The following CDH4 variants were observed in gnomAD, a reference collection of about 807,000 sequenced individuals.
CDH4 encodes the protein cadherin 4, also known as cadherin-4.
In CDH4, 33 loss-of-function variants were observed where a neutral mutation model predicts 86.0. The observed-to-expected ratio is 0.38, with a 90% CI of 0.29 to 0.51. The LOEUF (loss-of-function observed/expected upper bound fraction) is 0.51. Ranked by LOEUF, CDH4 falls within the 20% of genes least tolerant of loss-of-function variation. The pLI, the probability that CDH4 is intolerant of heterozygous loss-of-function variation, is 0.86. For missense variants in CDH4, 1,114 were observed against 1,307.4 expected (o/e 0.85, Z 2.28); for synonymous variants, 555 against 549.4 (o/e 1.01, Z -0.14).
At chr20:61,444,735 G>A (rs1390750014) in intron 2 of CDH4, among the ~76,000 whole-genome samples, 1 of 150,110 alleles carries the variant, frequency 6.7e-6, no homozygotes, top group Non-Finnish European at 1.5e-5. Context: ...ATGTATGTGT[G>A]TTTCTCTGTG....
intron 2 of CDH4, among the ~76,000 whole-genome samples, chr20:61,587,248 G>C (rs951601045): frequency 2.6e-5 from 4 of 152,122 alleles, no homozygotes; most frequent in Non-Finnish European, 4.4e-5. Context: ...GCGCTTGAAG[G>C]GGGGCCACTG....
rs959168279 is a variant in CDH4 at position 61,501,974 on chromosome 20, C to T, written c.170-241589C>T. Among the ~76,000 whole-genome samples the T allele has an allele frequency of 1.3e-5, 2 of 152,064 alleles. No homozygotes were observed. Among genetic ancestry groups the T allele is most frequent in the Non-Finnish European group, 2.9e-5 (2 of 68,014 alleles). On this transcript the variant is annotated intron_variant, in intron 2 of 15. Coordinates refer to ENST00000614565, the MANE Select transcript of CDH4 (RefSeq NM_001794.5). This position sits in a 1 kb window ranked among gnomAD's most constrained non-coding sequence, Gnocchi z 4.2. ...AGATGAACCGAGTGGGCACGTTAGC[C>T]CAGGCCGTTACCCTTTAGTGGGCGC...
chr20:61,744,654 G>C (rs532052919), intron 3 of CDH4, among the ~76,000 whole-genome samples: 72 of 152,210 alleles, frequency 4.7e-4, no homozygotes, highest in African/African-American at 1.7e-3. Flanking sequence ...GATCCCAGCT[G>C]CCCTCCGACT....
intron 2 of CDH4, among the ~76,000 whole-genome samples, chr20:61,367,140 G>T (rs1051773065): frequency 6.6e-6 from 1 of 152,160 alleles, no homozygotes; most frequent in Non-Finnish European, 1.5e-5. Flanking sequence ...GGAGGAGGGC[G>T]TGTGCCAAAG....
At chr20:61,840,807 G>A (rs1264338129) in intron 4 of CDH4, among the ~76,000 whole-genome samples, 1 of 152,230 alleles carries the variant, frequency 6.6e-6, no homozygotes, top group African/African-American at 2.4e-5. Flanking sequence ...AGAATTCAGA[G>A]CATTTTGAGA....
At chr20:61,445,960 C>T (rs144052783) in intron 2 of CDH4, among the ~76,000 whole-genome samples, 8 of 152,188 alleles carry the variant, frequency 5.3e-5, no homozygotes, top group Non-Finnish European at 8.8e-5. Flanking sequence ...CTCCCATGCC[C>T]GCTGGTGGAT....
chr20:61,431,150 C>A (rs996762981), intron 2 of CDH4, among the ~76,000 whole-genome samples: 1 of 152,154 alleles, frequency 6.6e-6, no homozygotes, highest in Non-Finnish European at 1.5e-5. Context: ...AGGGGAAGCA[C>A]GTGGGTAGAG....
chr20:61,603,220 C>G (rs777129163), intron 2 of CDH4, among the ~76,000 whole-genome samples: 2 of 152,158 alleles, frequency 1.3e-5, no homozygotes, highest in African/African-American at 2.4e-5. Flanking sequence ...TCACAGAGTT[C>G]CCACTCTGGT....
intron 4 of CDH4, among the ~76,000 whole-genome samples, chr20:61,776,544 G>A (rs371439537): frequency 2.0e-5 from 3 of 152,152 alleles, no homozygotes; most frequent in East Asian, 1.9e-4. Context: ...CCCCTGACTC[G>A]TCCAGCAGCC....
chr20:61,302,938 A>G (rs1197217246), intron 2 of CDH4, among the ~76,000 whole-genome samples: 3 of 152,142 alleles, frequency 2.0e-5, no homozygotes, highest in Non-Finnish European at 4.4e-5. Flanking sequence ...AGTGATGTGA[A>G]AGAGGCCATG....
rs533840821 is a variant in CDH4, at chr20:61,266,748, G to T, written c.169+11811G>T. Among the ~76,000 whole-genome samples the T allele has an allele frequency of 8.7e-4, 133 of 152,176 alleles. 3 individuals carry two copies. The South Asian group carries it at 0.025, about 29-fold the overall frequency. ...GGTCCAGGAACTCCCTGCCTGGGGG[G>T]TGCTTGCTAAACTCGCCAGCCCCGT... On this transcript the variant is annotated intron_variant, in intron 2 of 15. Transcript: ENST00000614565.
At chr20:61,265,117 A>ACCT (rs1555831171) in intron 2 of CDH4, among the ~76,000 whole-genome samples, 1 of 138,408 alleles carries the variant, frequency 7.2e-6, no homozygotes, top group Admixed American at 7.2e-5. Flanking sequence ...TCTTACACAT[A>ACCT]CAGTGGCTCC....
At chr20:61,302,297 G>T (rs569533778) in intron 2 of CDH4, among the ~76,000 whole-genome samples, 1 of 152,186 alleles carries the variant, frequency 6.6e-6, no homozygotes, top group Non-Finnish European at 1.5e-5. Context: ...TGTGCAGTCC[G>T]TATCCTCACT....
At chr20:61,399,716 C>G (rs6061720) in intron 2 of CDH4, among the ~76,000 whole-genome samples, 2 of 152,040 alleles carry the variant, frequency 1.3e-5, no homozygotes, top group African/African-American at 4.8e-5. Flanking sequence ...TTGGCCTCTC[C>G]AGTTCCCTTT....
At chr20:61,339,747 A>C (rs1485019465) in intron 2 of CDH4, among the ~76,000 whole-genome samples, 4 of 152,106 alleles carry the variant, frequency 2.6e-5, no homozygotes, top group Non-Finnish European at 5.9e-5. Flanking sequence ...GGACACCTAG[A>C]TATTTCCTCA....
Position 61,754,873 on chromosome 20 carries a change from A to G in CDH4, c.396+11084A>G, listed in dbSNP as rs2088542707. On this transcript the variant is annotated intron_variant, in intron 3 of 15. Coordinates refer to ENST00000614565, the MANE Select transcript of CDH4 (RefSeq NM_001794.5). This position sits in a 1 kb window ranked among gnomAD's most constrained non-coding sequence, Gnocchi z 4.7. The stretch of plus-strand genomic sequence containing the variant: ...ACACCACACAGTGCACGCCACACAC[A>G]CCACACATATACCCTGCACATACCA... 6.6e-6 allele frequency: 1 copy of G among 151,620 alleles called. No homozygotes were observed. The highest frequency in any genetic ancestry group is 2.1e-4 in the South Asian group (1 of 4,774). The allele number at this position is 151,620 out of a possible 1,614,324, so 9.4% of individuals were successfully genotyped here. A position where few individuals can be genotyped will look rare whatever the true frequency, so the allele number is the denominator to read the frequency against.
chr20:61,388,001 TAAATG>T (rs2084961705), intron 2 of CDH4, among the ~76,000 whole-genome samples: 1 of 152,246 alleles, frequency 6.6e-6, no homozygotes, highest in South Asian at 2.1e-4. Flanking sequence ...TAAATTGTAA[TAAATG>T]GGTGTCTATA....
At chr20:61,384,531 TG>T (rs1457177922) in intron 2 of CDH4, among the ~76,000 whole-genome samples, 1 of 152,184 alleles carries the variant, frequency 6.6e-6, no homozygotes, top group Admixed American at 6.5e-5. Flanking sequence ...CAGTCTTTTC[TG>T]AACATCTGCC....
At chr20:61,442,171 C>T (rs185059827) in intron 2 of CDH4, among the ~76,000 whole-genome samples, 52 of 152,202 alleles carry the variant, frequency 3.4e-4, no homozygotes, top group Non-Finnish European at 6.5e-4. Flanking sequence ...AGCACATAAG[C>T]GAGGATGTAT....
Sources: allele counts gnomAD v4.1 joint callset (sites outside exome capture counted in the v4.1 genomes callset), GRCh38; gene constraint gnomAD v4.1.1; non-coding constraint Gnocchi (gnomAD v3.1); transcripts MANE v1.5; gene names NCBI Gene and HGNC (gene_info 2026-07-23, HGNC 2026-07-21).